The following LOC128125817 variants were observed in gnomAD, a reference collection of about 807,000 sequenced individuals.
chr1:41,622,560 T>C, the LOC128125817 span, among the ~76,000 whole-genome samples: 4 of 152,206 alleles, frequency 2.6e-5, no homozygotes, highest in African/African-American at 9.7e-5. Context: ...ACATATTATC[T>C]GTGGTTGCTT....
At chr1:41,586,391 C>T in the LOC128125817 span, among the ~76,000 whole-genome samples, 3,615 of 152,344 alleles carry the variant, frequency 0.024, 66 homozygotes, top group Middle Eastern at 0.082. Context: ...ACTGAAGGTC[C>T]CGTGTTGCTA....
the LOC128125817 span, among the ~76,000 whole-genome samples, chr1:41,608,669 G>A: frequency 6.6e-6 from 1 of 152,206 alleles, no homozygotes; most frequent in Non-Finnish European, 1.5e-5. Context: ...TGATTGCTCT[G>A]TCTGTGCAAT....
the LOC128125817 span, among the ~76,000 whole-genome samples, chr1:41,592,797 G>A: frequency 6.6e-6 from 1 of 152,226 alleles, no homozygotes; most frequent in African/African-American, 2.4e-5. Flanking sequence ...TCAGGTCAGG[G>A]TATCCCACAG....
At chr1:41,587,651 T>G in the LOC128125817 span, among the ~76,000 whole-genome samples, 1 of 152,262 alleles carries the variant, frequency 6.6e-6, no homozygotes. Context: ...CACCGTGATC[T>G]TCTGATAGAT....
chr1:41,597,872 T>C, the LOC128125817 span, among the ~76,000 whole-genome samples: 1 of 152,100 alleles, frequency 6.6e-6, no homozygotes, highest in South Asian at 2.1e-4. Flanking sequence ...CAGCCTTACC[T>C]CACCTACACA....
At chr1:41,587,071 C>T in the LOC128125817 span, among the ~76,000 whole-genome samples, 1 of 151,906 alleles carries the variant, frequency 6.6e-6, no homozygotes. Context: ...GAGATTTGGT[C>T]CATTATGGAG....
chr1:41,592,420 A>C, the LOC128125817 span, among the ~76,000 whole-genome samples: 1 of 152,200 alleles, frequency 6.6e-6, no homozygotes, highest in Non-Finnish European at 1.5e-5. Context: ...CCAACTGAAA[A>C]ATACTGGCCA....
At chr1:41,601,778 A>G in the LOC128125817 span, among the ~76,000 whole-genome samples, 1 of 152,162 alleles carries the variant, frequency 6.6e-6, no homozygotes, top group Non-Finnish European at 1.5e-5. Context: ...TGTCTTGAAT[A>G]GAAATGGCAA....
the LOC128125817 span, among the ~76,000 whole-genome samples, chr1:41,610,677 A>C: frequency 6.6e-6 from 1 of 152,214 alleles, no homozygotes; most frequent in South Asian, 2.1e-4. Context: ...CCACCTGTCC[A>C]GCTTCTCCAG....
At chr1:41,606,289 C>T in the LOC128125817 span, among the ~76,000 whole-genome samples, 1 of 151,978 alleles carries the variant, frequency 6.6e-6, no homozygotes, top group Non-Finnish European at 1.5e-5. Context: ...TAGACAGTGT[C>T]TATTCACTTC....
chr1:41,603,645 C>T, the LOC128125817 span, among the ~76,000 whole-genome samples: 1 of 152,206 alleles, frequency 6.6e-6, no homozygotes, highest in Non-Finnish European at 1.5e-5. Flanking sequence ...CAGGTGTGAG[C>T]CACTGTGCCT....
the LOC128125817 span, among the ~76,000 whole-genome samples, chr1:41,627,689 A>G: frequency 6.6e-6 from 1 of 152,162 alleles, no homozygotes; most frequent in Non-Finnish European, 1.5e-5. Context: ...TGCTCCTGGC[A>G]TGCCAGGCTG....
At chr1:41,591,894 A>G in the LOC128125817 span, among the ~76,000 whole-genome samples, 7 of 152,252 alleles carry the variant, frequency 4.6e-5, no homozygotes, top group East Asian at 1.3e-3. Context: ...CGACCCAACG[A>G]GAGCGGGCTG....
the LOC128125817 span, among the ~76,000 whole-genome samples, chr1:41,601,658 A>AT: frequency 6.6e-6 from 1 of 152,016 alleles, no homozygotes; most frequent in Non-Finnish European, 1.5e-5. Flanking sequence ...CATCTTTAGG[A>AT]TTTTATATTA....
the LOC128125817 span, among the ~76,000 whole-genome samples, chr1:41,590,050 T>C: frequency 6.6e-6 from 1 of 152,184 alleles, no homozygotes; most frequent in African/African-American, 2.4e-5. Flanking sequence ...CAACACTCTG[T>C]GTGTGTGCAT....
At chr1:41,614,713 T>C in the LOC128125817 span, among the ~76,000 whole-genome samples, 1 of 152,138 alleles carries the variant, frequency 6.6e-6, no homozygotes, top group Admixed American at 6.5e-5. Flanking sequence ...TGGAAGAAGA[T>C]GGGTAAGTCA....
the LOC128125817 span, among the ~76,000 whole-genome samples, chr1:41,598,825 A>ATTTATTTATTTAT: frequency 2.0e-5 from 3 of 151,454 alleles, no homozygotes; most frequent in East Asian, 1.9e-4. Context: ...TTATTTATTT[A>ATTTATTTATTTAT]TTTATTTAGG....
chr1:41,598,052 T>C, the LOC128125817 span, among the ~76,000 whole-genome samples: 6 of 152,360 alleles, frequency 3.9e-5, no homozygotes, highest in Non-Finnish European at 8.8e-5. Context: ...AGTGGGCATC[T>C]ATGAACTTAA....
chr1:41,588,225 C>T, the LOC128125817 span, among the ~76,000 whole-genome samples: 1 of 152,136 alleles, frequency 6.6e-6, no homozygotes, highest in East Asian at 1.9e-4. Context: ...CCTTTGGGTG[C>T]TATGTGTGGA....
Sources: allele counts gnomAD v4.1 joint callset (sites outside exome capture counted in the v4.1 genomes callset), GRCh38; gene constraint gnomAD v4.1.1; transcripts MANE v1.5.